TGIF2: variants seen among roughly 807,000 people sequenced by gnomAD.
TGIF2 encodes homeobox protein TGIF2.
A neutral mutation model predicts 15.1 loss-of-function variants in TGIF2; 5 were observed. The observed-to-expected ratio is 0.33, with a 90% CI of 0.17 to 0.70. The LOEUF (loss-of-function observed/expected upper bound fraction) is 0.70. Among genes scored for constraint, TGIF2 ranks in the 30% least tolerant of loss-of-function variants. The probability of loss-of-function intolerance (pLI) is 0.67; values close to 1 mark genes in which losing one functional copy is unlikely to be tolerated. For synonymous variants in TGIF2, 131 were observed against 128.9 expected, an observed-to-expected ratio of 1.02 and a Z score of -0.11; for missense variants, 264 against 302.5, an observed-to-expected ratio of 0.87 and a Z score of 0.94.
chr20:36,574,197 C>T (rs1437149912), intron 1 of TGIF2, among the ~76,000 whole-genome samples: 2 of 151,650 alleles, frequency 1.3e-5, no homozygotes, highest in African/African-American at 4.8e-5. Context: ...GGGCCCGGAG[C>T]GGGGGGGCCC....
rs73618602 is a variant in TGIF2 at position 36,578,635 on chromosome 20, C to A, written c.-34-106C>A. ...GGCCTGAGATTCTGAATTGCAACTA[C>A]CCCATTTCTGGTGTCCCAGGCTCAA... On this transcript the variant is annotated intron_variant, in intron 1 of 2. Transcript: ENST00000373872. 1.2e-5 allele frequency: 15 copies of A among 1,260,264 alleles called. No homozygotes were observed. The East Asian group carries it at 3.7e-4, about 31-fold the overall frequency. 78.1% of individuals were successfully genotyped at this position (1,260,264 alleles called of 1,614,324 possible).
chr20:36,586,386 C>G (rs1000256939), intron 2 of TGIF2, among the ~76,000 whole-genome samples: 1 of 152,078 alleles, frequency 6.6e-6, no homozygotes, highest in Non-Finnish European at 1.5e-5. Flanking sequence ...AGGGGGAAAT[C>G]ACTAACAGTT....
rs1356682428 is a variant in TGIF2, at chr20:36,579,523, G to A, written c.192+557G>A. 3.9e-5 allele frequency among the ~76,000 whole-genome samples: 6 copies of A among 152,160 alleles called. No individual in the cohort carries two copies. The East Asian group carries it at 1.2e-3, about 29-fold the overall frequency. ...AGGAATTTAATGTTGTCAAAGTCTA[G>A]GTGTCATCCTTAACTTTGGAGGCCA... On this transcript the variant is annotated intron_variant, in intron 2 of 2. Transcript: ENST00000373872.
At chr20:36,575,318 C>T (rs2038405255) in intron 1 of TGIF2, among the ~76,000 whole-genome samples, 1 of 151,970 alleles carries the variant, frequency 6.6e-6, no homozygotes, top group African/African-American at 2.4e-5. Flanking sequence ...TACAGATGGC[C>T]CTGTGTGGCG....
intron 2 of TGIF2, among the ~76,000 whole-genome samples, chr20:36,588,579 A>G (rs6101366): frequency 0.025 from 3,767 of 151,868 alleles, 160 homozygotes; most frequent in African/African-American, 0.086. Flanking sequence ...ATTCAGCTCA[A>G]CCAGCGTCCA....
rs150065413 is a variant in TGIF2 at position 36,589,539 on chromosome 20, C to T, written c.193-1371C>T. Among the ~76,000 whole-genome samples the T allele has an allele frequency of 1.4e-3, 208 of 152,104 alleles. No homozygotes were observed. In the East Asian group the frequency reaches 0.033, roughly 24 times the overall value. On this transcript the variant is annotated intron_variant, in intron 2 of 2. Transcript: ENST00000373872. ...CCCCAAGTAGCTGGGACTACAGGCG[C>T]GTGCCACCACACCCGGCTAATTTTT... is the stretch of plus-strand genomic sequence containing the variant.
chr20:36,586,692 T>C (rs1270523616), intron 2 of TGIF2, among the ~76,000 whole-genome samples: 2 of 71,546 alleles, frequency 2.8e-5, no homozygotes, highest in Admixed American at 1.2e-4. Context: ...GAGACTCCAT[T>C]TCCCCCCCCC....
chr20:36,580,813 CAAAAAAAAA>C (rs71184101), intron 2 of TGIF2, among the ~76,000 whole-genome samples: 3 of 45,928 alleles, frequency 6.5e-5, no homozygotes, highest in East Asian at 1.5e-3. Flanking sequence ...GACATTGTCT[CAAAAAAAAA>C]AAAAAAAAAA....
intron 2 of TGIF2, among the ~76,000 whole-genome samples, chr20:36,583,269 C>CAA (rs113049516): frequency 3.8e-5 from 5 of 132,794 alleles, no homozygotes; most frequent in East Asian, 4.5e-4. Context: ...AAAACTGTCT[C>CAA]AAAAAAAAAA....
chr20:36,583,464 GAAA>G (rs1289215446), intron 2 of TGIF2, among the ~76,000 whole-genome samples: 2 of 91,078 alleles, frequency 2.2e-5, no homozygotes, highest in African/African-American at 8.0e-5. Flanking sequence ...TCTCTAAAAA[GAAA>G]AAAAAAAAAA....
chr20:36,574,259 T>A (rs1788748697), intron 1 of TGIF2, among the ~76,000 whole-genome samples: 1 of 151,564 alleles, frequency 6.6e-6, no homozygotes, highest in Admixed American at 6.6e-5. Flanking sequence ...AAAGTCTGTC[T>A]CCGAGGCATC....
intron 2 of TGIF2, among the ~76,000 whole-genome samples, chr20:36,581,752 C>T (rs930346982): frequency 2.6e-5 from 4 of 152,068 alleles, no homozygotes; most frequent in African/African-American, 9.7e-5. Flanking sequence ...CCTCAGCCTC[C>T]TGAGTAGCTG....
At chr20:36,573,550 G>T (rs547886936), upstream of TGIF2, 1 of 151,692 alleles carries the variant, frequency 6.6e-6, no homozygotes, top group Non-Finnish European at 1.5e-5. Flanking sequence ...CCGGGCGGGT[G>T]GGGGAGGGCG....
Position 36,592,811 on chromosome 20 carries a change from GTTT to G in TGIF2, c.*1384_*1386del. 1 of 157,914 alleles carries G rather than the reference GTTT, an allele frequency of 6.3e-6. No homozygotes were observed. Among genetic ancestry groups the G allele is most frequent in the Non-Finnish European group, 1.4e-5 (1 of 72,800 alleles). 9.8% of individuals were successfully genotyped at this position (157,914 alleles called of 1,614,324 possible). A position where few individuals can be genotyped will look rare whatever the true frequency, so the allele number is the denominator to read the frequency against. On this transcript the variant is annotated 3_prime_UTR_variant, in exon 3 of 3. Coordinates refer to ENST00000373872, the MANE Select transcript of TGIF2 (RefSeq NM_021809.7). The stretch of plus-strand genomic sequence containing the variant: ...TTTTTCTTTTGCTGTTTTGTTTTTT[GTTT>G]TTTGTTTGTTTGTTTGTTTTTTTGA...
chr20:36,576,567 T>C (rs1412263998), intron 1 of TGIF2, among the ~76,000 whole-genome samples: 5 of 152,138 alleles, frequency 3.3e-5, no homozygotes, highest in African/African-American at 1.2e-4. Flanking sequence ...GACTTCACTA[T>C]CCTAACCTGG....
At chr20:36,583,333 C>G (rs1463023418) in intron 2 of TGIF2, among the ~76,000 whole-genome samples, 1 of 151,806 alleles carries the variant, frequency 6.6e-6, no homozygotes, top group Non-Finnish European at 1.5e-5. Flanking sequence ...TAACTCATAC[C>G]TGTAATCCCA....
At chr20:36,586,699 C>A (rs558087100) in intron 2 of TGIF2, among the ~76,000 whole-genome samples, 1 of 146,310 alleles carries the variant, frequency 6.8e-6, no homozygotes, top group Admixed American at 6.7e-5. Flanking sequence ...CATTTCCCCC[C>A]CCCCAAAAAA....
chr20:36,577,810 G>A (rs1003310141), intron 1 of TGIF2, among the ~76,000 whole-genome samples: 7 of 152,156 alleles, frequency 4.6e-5, no homozygotes, highest in African/African-American at 1.2e-4. Context: ...CACTGTGCCC[G>A]GCCTTTGTTT....
At chr20:36,583,114 A>G (rs1047015460) in intron 2 of TGIF2, among the ~76,000 whole-genome samples, 3 of 151,452 alleles carry the variant, frequency 2.0e-5, no homozygotes, top group African/African-American at 4.9e-5. Context: ...AACTTCTTCA[A>G]TACTAAAAAT....
Sources: gnomAD v4.1 joint callset for allele counts (sites outside exome capture counted in the v4.1 genomes callset) on GRCh38, gnomAD v4.1.1 for gene constraint, MANE v1.5 for transcripts, NCBI Gene and HGNC (gene_info 2026-07-23, HGNC 2026-07-21) for gene names.